Variants in MB21D2 observed in about 807,000 individuals in gnomAD.
MB21D2 encodes the protein Mab-21 domain containing 2, also known as nucleotidyltransferase MB21D2.
MB21D2 carries 9 observed loss-of-function variants against 33.3 expected under a neutral mutation model. The observed-to-expected ratio is 0.27, with a 90% CI of 0.16 to 0.47. The LOEUF (loss-of-function observed/expected upper bound fraction) is 0.47, where lower values mean the gene tolerates loss of function less well. Among genes scored for constraint, MB21D2 ranks in the 20% least tolerant of loss-of-function variants. MB21D2 has a pLI of 0.99. For missense variants in MB21D2, 540 were observed against 624.6 expected, an observed-to-expected ratio of 0.86 and a Z score of 1.44; for synonymous variants, 241 against 236.3, an observed-to-expected ratio of 1.02 and a Z score of -0.18.
intron 1 of MB21D2, among the ~76,000 whole-genome samples, chr3:192,864,584 G>A (rs949742345): frequency 1.3e-5 from 2 of 152,140 alleles, no homozygotes; most frequent in African/African-American, 4.8e-5. Flanking sequence ...TTGGCTCACT[G>A]CAACCTCGGC....
intron 1 of MB21D2, among the ~76,000 whole-genome samples, chr3:192,816,816 T>G (rs1195683033): frequency 1.3e-5 from 2 of 152,122 alleles, no homozygotes; most frequent in African/African-American, 4.8e-5. Flanking sequence ...CTTCATGATT[T>G]ATTAGCTGTG....
intron 1 of MB21D2, among the ~76,000 whole-genome samples, chr3:192,801,457 C>T (rs1034747629): frequency 5.9e-5 from 9 of 152,166 alleles, no homozygotes; most frequent in African/African-American, 9.7e-5. Flanking sequence ...TCTGAACGTT[C>T]GTGACTCCCA....
At chr3:192,911,917 G>A (rs528219808) in intron 1 of MB21D2, among the ~76,000 whole-genome samples, 6 of 152,256 alleles carry the variant, frequency 3.9e-5, no homozygotes, top group South Asian at 2.1e-4. Context: ...TACAACTCTC[G>A]GGAACTTTCC....
At chr3:192,852,789 T>C (rs1369669899) in intron 1 of MB21D2, among the ~76,000 whole-genome samples, 2 of 151,476 alleles carry the variant, frequency 1.3e-5, no homozygotes, top group Non-Finnish European at 2.9e-5. Context: ...CAGAATGAGC[T>C]CCCCACCACT....
chr3:192,836,802 G>C (rs1391386009), intron 1 of MB21D2, among the ~76,000 whole-genome samples: 1 of 152,104 alleles, frequency 6.6e-6, no homozygotes, highest in Non-Finnish European at 1.5e-5. Flanking sequence ...ATCCTGCCTA[G>C]GTTTCTCCTT....
chr3:192,908,829 C>G (rs1714269022), intron 1 of MB21D2, among the ~76,000 whole-genome samples: 1 of 152,086 alleles, frequency 6.6e-6, no homozygotes. Flanking sequence ...TCTGTAGAAC[C>G]TGGGACATTT....
chr3:192,891,530 C>T (rs1205501118), intron 1 of MB21D2, among the ~76,000 whole-genome samples: 1 of 152,006 alleles, frequency 6.6e-6, no homozygotes, highest in Non-Finnish European at 1.5e-5. Flanking sequence ...TGGTAGGAGT[C>T]CTCCCTCTGC....
chr3:192,859,042 A>G (rs754770162), intron 1 of MB21D2, among the ~76,000 whole-genome samples: 2 of 152,154 alleles, frequency 1.3e-5, no homozygotes, highest in Non-Finnish European at 2.9e-5. Flanking sequence ...GAAGGGGTTC[A>G]TGTGTGCTGG....
intron 1 of MB21D2, among the ~76,000 whole-genome samples, chr3:192,857,993 T>G (rs1712955486): frequency 6.6e-6 from 1 of 151,878 alleles, no homozygotes. Context: ...GGCATGGTGG[T>G]GCATGCCTGT....
intron 1 of MB21D2, among the ~76,000 whole-genome samples, chr3:192,830,271 G>GTGT (rs1712286882): frequency 7.0e-6 from 1 of 142,022 alleles, no homozygotes; most frequent in African/African-American, 2.7e-5. Context: ...TGTGTGTGTG[G>GTGT]GTGTCAAAGG....
chr3:192,893,485 C>A (rs951185113), intron 1 of MB21D2, among the ~76,000 whole-genome samples: 80 of 152,232 alleles, frequency 5.3e-4, no homozygotes, highest in African/African-American at 1.9e-3. Flanking sequence ...AAGTGAGGGC[C>A]AGAAAGAGGA....
intron 1 of MB21D2, among the ~76,000 whole-genome samples, chr3:192,895,765 C>T (rs1713957338): frequency 6.6e-6 from 1 of 152,082 alleles, no homozygotes; most frequent in African/African-American, 2.4e-5. Flanking sequence ...CCAGCTCTCA[C>T]TGTGTTGTCC....
In MB21D2 at chr3:192,883,735, G is replaced by T. The variant is rs554789809; in HGVS notation, c.211+33895C>A. Among the ~76,000 whole-genome samples the T allele has an allele frequency of 6.6e-5, 10 of 152,136 alleles. No homozygotes were observed. The East Asian group carries it at 1.2e-3, about 18-fold the overall frequency. On this transcript the variant is annotated intron_variant, in intron 1 of 1. Coordinates refer to ENST00000392452, the MANE Select transcript of MB21D2 (RefSeq NM_178496.4). Reference sequence around the variant, plus strand: ...GGAATGCCTCTGTAATACTAGGAGAGTCACCTCCCTCTGAAAGCTAGTTTC... The same window carrying T: ...GGAATGCCTCTGTAATACTAGGAGATTCACCTCCCTCTGAAAGCTAGTTTC...
chr3:192,902,947 T>TA (rs1394586864), intron 1 of MB21D2, among the ~76,000 whole-genome samples: 1 of 152,194 alleles, frequency 6.6e-6, no homozygotes, highest in Non-Finnish European at 1.5e-5. Flanking sequence ...TCACACTTTT[T>TA]AGAGGAAAGA....
intron 1 of MB21D2, among the ~76,000 whole-genome samples, chr3:192,825,784 G>A (rs1712163038): frequency 6.6e-6 from 1 of 152,174 alleles, no homozygotes; most frequent in Non-Finnish European, 1.5e-5. Flanking sequence ...GAAGGTAGAG[G>A]AAATGAAACT....
chr3:192,905,635 CAAAAAAAAAA>C (rs142676577), intron 1 of MB21D2, among the ~76,000 whole-genome samples: 1 of 84,982 alleles, frequency 1.2e-5, no homozygotes, highest in African/African-American at 4.9e-5. Flanking sequence ...CGCCCTGTCT[CAAAAAAAAAA>C]AAAAAAAAAG....
chr3:192,870,699 G>GAAACAAAAAAA (rs1713272799), intron 1 of MB21D2, among the ~76,000 whole-genome samples: 1 of 41,670 alleles, frequency 2.4e-5, no homozygotes. Flanking sequence ...CGACTCCGTT[G>GAAACAAAAAAA]AAAAAAAAAA....
chr3:192,860,305 T>C (rs999121118), intron 1 of MB21D2, among the ~76,000 whole-genome samples: 2 of 152,258 alleles, frequency 1.3e-5, no homozygotes, highest in African/African-American at 4.8e-5. Context: ...CACAAACTGC[T>C]AGGCAGAAAC....
At chr3:192,875,468 T>C (rs1481921114) in intron 1 of MB21D2, among the ~76,000 whole-genome samples, 1 of 152,172 alleles carries the variant, frequency 6.6e-6, no homozygotes, top group Non-Finnish European at 1.5e-5. Context: ...TGAATTTTTC[T>C]TGTTGTTGTT....
Sources: gnomAD v4.1 joint callset for allele counts (sites outside exome capture counted in the v4.1 genomes callset) on GRCh38, gnomAD v4.1.1 for gene constraint, MANE v1.5 for transcripts, NCBI Gene and HGNC (gene_info 2026-07-23, HGNC 2026-07-21) for gene names.